The following AGBL1 variants were observed in gnomAD, a reference collection of about 807,000 sequenced individuals.
AGBL1 encodes cytosolic carboxypeptidase 4.
A neutral mutation model predicts 118.9 loss-of-function variants in AGBL1; 130 were observed. That is an observed-to-expected ratio of 1.09 (90% CI 0.95 to 1.26). AGBL1 has a LOEUF of 1.26. Among genes scored for constraint, AGBL1 ranks in the 50% most tolerant of loss-of-function variants. The pLI, the probability that AGBL1 is intolerant of heterozygous loss-of-function variation, is 0.00. For synonymous variants in AGBL1, 555 were observed against 478.9 expected (o/e 1.16, Z -2.08); for missense variants, 1,584 against 1,298.1 (o/e 1.22, Z -3.38).
intron 16 of AGBL1, among the ~76,000 whole-genome samples, chr15:86,282,656 C>T (rs1390241861): frequency 6.6e-6 from 1 of 152,134 alleles, no homozygotes; most frequent in Admixed American, 6.5e-5. Flanking sequence ...CCATCATGGA[C>T]AAAATGAGTA....
chr15:86,719,966 C>G (rs1480332690), intron 22 of AGBL1, among the ~76,000 whole-genome samples: 1 of 152,198 alleles, frequency 6.6e-6, no homozygotes, highest in African/African-American at 2.4e-5. Context: ...CCGATTTTTC[C>G]CTAGCTTTCT....
intron 22 of AGBL1, among the ~76,000 whole-genome samples, chr15:86,677,402 T>TCCTTTCTCCTTCCTCTC (rs1388563588): frequency 6.6e-6 from 1 of 152,168 alleles, no homozygotes; most frequent in Non-Finnish European, 1.5e-5. Flanking sequence ...CCTCTCCTCT[T>TCCTTTCTCCTTCCTCTC]CCTTTCTCCT....
chr15:86,986,071 C>T (rs763436189), intron 23 of AGBL1, among the ~76,000 whole-genome samples: 1 of 152,006 alleles, frequency 6.6e-6, no homozygotes, highest in Non-Finnish European at 1.5e-5. Context: ...TTATAGGTGC[C>T]TGCCACCATG....
chr15:86,770,669 G>A (rs977535093), intron 22 of AGBL1, among the ~76,000 whole-genome samples: 1 of 151,874 alleles, frequency 6.6e-6, no homozygotes, highest in African/African-American at 2.4e-5. Flanking sequence ...GGACAATTAG[G>A]AGTTTTCCAA....
At chr15:86,590,458 C>G (rs796734608) in intron 21 of AGBL1, among the ~76,000 whole-genome samples, 1 of 152,302 alleles carries the variant, frequency 6.6e-6, no homozygotes, top group African/African-American at 2.4e-5. Context: ...CTGTTTGCTT[C>G]TGCTTCAGCC....
Position 86,410,847 on chromosome 15 carries a change from AC to A in AGBL1, c.2555+13302del, listed in dbSNP as rs1567242938. ...ATATATATATATATATATATAATAT[AC>A]TATTTTATATATAAAATATATAATA... On this transcript the variant is annotated intron_variant, in intron 18 of 22. Transcript: ENST00000614907. Among the ~76,000 whole-genome samples, 141 of 98,944 alleles carry A rather than the reference AC, an allele frequency of 1.4e-3. 2 individuals are homozygous for A. Among genetic ancestry groups the A allele is most frequent in the South Asian group, 4.8e-3 (17 of 3,532 alleles). 64.9% of individuals were successfully genotyped at this position (98,944 alleles called of 152,430 possible). A position where few individuals can be genotyped will look rare whatever the true frequency, so the allele number is the denominator to read the frequency against.
chr15:86,567,538 G>C (rs2083933407), intron 21 of AGBL1, among the ~76,000 whole-genome samples: 1 of 152,162 alleles, frequency 6.6e-6, no homozygotes, highest in Non-Finnish European at 1.5e-5. Context: ...ATTTCTCCAA[G>C]ATTGCTGAAT....
At chr15:87,004,702 T>G (rs1218159002) in intron 24 of AGBL1, among the ~76,000 whole-genome samples, 1 of 152,334 alleles carries the variant, frequency 6.6e-6, no homozygotes, top group East Asian at 1.9e-4. Flanking sequence ...AAGGTTAATA[T>G]TGTTATCTGT....
chr15:86,756,140 A>C (rs900753177), intron 22 of AGBL1, among the ~76,000 whole-genome samples: 2 of 149,860 alleles, frequency 1.3e-5, no homozygotes, highest in African/African-American at 2.5e-5. Context: ...GGGTAATATT[A>C]GCATTTGATG....
At chr15:86,842,333 T>G (rs933321013) in intron 22 of AGBL1, among the ~76,000 whole-genome samples, 6 of 152,232 alleles carry the variant, frequency 3.9e-5, no homozygotes, top group African/African-American at 1.4e-4. Flanking sequence ...TACTGGACTC[T>G]GAGCTCCTCA....
At chr15:86,792,031 G>A (rs548472112) in intron 22 of AGBL1, among the ~76,000 whole-genome samples, 4 of 152,130 alleles carry the variant, frequency 2.6e-5, no homozygotes, top group South Asian at 2.1e-4. Context: ...CCACTGCACC[G>A]GCCTGTTTTA....
chr15:86,724,415 T>G (rs1400677410), intron 22 of AGBL1, among the ~76,000 whole-genome samples: 1 of 151,986 alleles, frequency 6.6e-6, no homozygotes, highest in East Asian at 1.9e-4. Flanking sequence ...ATTGATTCAG[T>G]GCTAAAATAT....
intron 22 of AGBL1, among the ~76,000 whole-genome samples, chr15:86,794,696 C>T (rs1030515905): frequency 2.0e-5 from 3 of 151,866 alleles, no homozygotes; most frequent in Non-Finnish European, 2.9e-5. Context: ...TACTTTTCCC[C>T]AATCCATGTT....
At chr15:86,369,023 A>G (rs555342053) in intron 17 of AGBL1, among the ~76,000 whole-genome samples, 11 of 152,196 alleles carry the variant, frequency 7.2e-5, no homozygotes, top group Non-Finnish European at 1.5e-4. Flanking sequence ...AATGTCTTTT[A>G]AAAGAATGAA....
intron 1 of AGBL1, among the ~76,000 whole-genome samples, chr15:86,133,934 T>C (rs528119440): frequency 6.6e-6 from 1 of 152,358 alleles, no homozygotes; most frequent in Admixed American, 6.5e-5. Flanking sequence ...GTCTTTCTTA[T>C]ATGTCTTCAG....
intron 6 of AGBL1, among the ~76,000 whole-genome samples, chr15:86,230,122 T>C (rs145902914): frequency 1.3e-5 from 2 of 152,336 alleles, no homozygotes; most frequent in East Asian, 1.9e-4. Context: ...TAATGCTCTG[T>C]CTGGCTGGTT....
At chr15:86,485,246 C>T (rs1266482801) in intron 18 of AGBL1, among the ~76,000 whole-genome samples, 1 of 152,162 alleles carries the variant, frequency 6.6e-6, no homozygotes, top group Non-Finnish European at 1.5e-5. Flanking sequence ...AAATTCAAAT[C>T]TGCATTTTAC....
At chr15:86,729,630 A>G (rs537731004) in intron 22 of AGBL1, among the ~76,000 whole-genome samples, 1 of 152,326 alleles carries the variant, frequency 6.6e-6, no homozygotes, top group Admixed American at 6.5e-5. Context: ...ATGGCTGCAT[A>G]GTATTCCCTG....
At chr15:86,976,988 T>C (rs920826382) in intron 23 of AGBL1, among the ~76,000 whole-genome samples, 1 of 152,024 alleles carries the variant, frequency 6.6e-6, no homozygotes, top group African/African-American at 2.4e-5. Flanking sequence ...TTTGTTGATG[T>C]CTTTTAATTT....
Sources: gnomAD v4.1 joint callset for allele counts (sites outside exome capture counted in the v4.1 genomes callset) on GRCh38, gnomAD v4.1.1 for gene constraint, MANE v1.5 for transcripts, NCBI Gene and HGNC (gene_info 2026-07-23, HGNC 2026-07-21) for gene names.